Variants in TPTE2 observed in about 807,000 individuals in gnomAD.
The protein encoded by TPTE2 is transmembrane phosphoinositide 3-phosphatase and tensin homolog 2, also known as phosphatidylinositol 3,4,5-trisphosphate 3-phosphatase TPTE2.
In TPTE2, 53 loss-of-function variants were observed where a neutral mutation model predicts 78.6. That is an observed-to-expected ratio of 0.67 (90% confidence interval 0.54 to 0.85). TPTE2 has a LOEUF of 0.85. Ranked by LOEUF, TPTE2 falls within the 40% of genes least tolerant of loss-of-function variation. The probability of loss-of-function intolerance (pLI) is 0.00; values close to 1 mark genes in which losing one functional copy is unlikely to be tolerated. For missense variants in TPTE2, 461 were observed against 623.0 expected (o/e 0.74, Z 2.77); for synonymous variants, 175 against 206.2 (o/e 0.85, Z 1.30).
At chr13:19,529,633 T>C (rs1993605) in intron 1 of TPTE2, among the ~76,000 whole-genome samples, 116,182 of 151,996 alleles carry the variant, frequency 0.76, 46,226 homozygotes, top group East Asian at 0.96. Context: ...TCCCTTCCCC[T>C]ACTTTCTTCT....
chr13:19,448,280 G>C (rs145208275), intron 13 of TPTE2, among the ~76,000 whole-genome samples: 3,730 of 152,212 alleles, frequency 0.025, 65 homozygotes, highest in Middle Eastern at 0.051. Context: ...GATATTTTTG[G>C]ATATGACTGA....
chr13:19,497,408 G>T (rs1307169705), intron 1 of TPTE2, among the ~76,000 whole-genome samples: 5,779 of 130,408 alleles, frequency 0.044, 141 homozygotes, highest in Non-Finnish European at 0.071. Flanking sequence ...CTGTCTGACA[G>T]CTTTGAAGAG....
intron 1 of TPTE2, among the ~76,000 whole-genome samples, chr13:19,520,530 A>C (rs1432918529): frequency 6.6e-6 from 1 of 151,688 alleles, no homozygotes; most frequent in African/African-American, 2.4e-5. Flanking sequence ...TAAGCTATCA[A>C]TTTTGTTGAT....
chr13:19,528,947 T>C (rs1566078672), intron 1 of TPTE2, among the ~76,000 whole-genome samples: 1 of 151,958 alleles, frequency 6.6e-6, no homozygotes, highest in Non-Finnish European at 1.5e-5. Flanking sequence ...GGCAAAACCC[T>C]GTCTCTACTA....
intron 13 of TPTE2, among the ~76,000 whole-genome samples, chr13:19,447,491 G>A (rs1029652742): frequency 2.0e-5 from 3 of 152,024 alleles, no homozygotes; most frequent in African/African-American, 7.2e-5. Flanking sequence ...ATTGTAAATT[G>A]CCAGTTTATA....
At chr13:19,435,764 A>ACACACACG (rs1169452622) in intron 15 of TPTE2, among the ~76,000 whole-genome samples, 1 of 148,126 alleles carries the variant, frequency 6.8e-6, no homozygotes, top group Non-Finnish European at 1.5e-5. Flanking sequence ...AGACACACAC[A>ACACACACG]CACACACACA....
At chr13:19,475,512 C>T in intron 5 of TPTE2, 61 bp downstream of exon 8, 1 of 1,582,712 alleles carries the variant, frequency 6.3e-7, no homozygotes, top group Non-Finnish European at 8.6e-7. Context: ...AGGCGTGAGC[C>T]ACTGCACCCA....
intron 9 of TPTE2, among the ~76,000 whole-genome samples, chr13:19,464,794 C>A (rs1879160068): frequency 2.0e-5 from 3 of 152,202 alleles, no homozygotes; most frequent in Non-Finnish European, 4.4e-5. Flanking sequence ...TCCCCCTGTT[C>A]TTAGAATTTA....
the TPTE2 span, among the ~76,000 whole-genome samples, chr13:19,542,839 A>C: frequency 6.6e-6 from 1 of 151,862 alleles, no homozygotes; most frequent in East Asian, 1.9e-4. Context: ...ACAAATAAAA[A>C]CATTAGCTAG....
intron 6 of TPTE2, among the ~76,000 whole-genome samples, chr13:19,473,357 C>G (rs1242293584): frequency 6.6e-6 from 1 of 152,176 alleles, no homozygotes; most frequent in African/African-American, 2.4e-5. Flanking sequence ...GGGCCTAGAT[C>G]AAAAACTTTA....
At chr13:19,502,468 A>G (rs1439523036) in intron 1 of TPTE2, among the ~76,000 whole-genome samples, 2 of 151,238 alleles carry the variant, frequency 1.3e-5, no homozygotes, top group African/African-American at 4.8e-5. Flanking sequence ...CTATGCAGCC[A>G]TAAAAAATGA....
intron 6 of TPTE2, among the ~76,000 whole-genome samples, chr13:19,472,013 G>A (rs1185575105): frequency 2.0e-5 from 3 of 152,078 alleles, no homozygotes; most frequent in African/African-American, 4.8e-5. Flanking sequence ...GGCCTGAAAC[G>A]TTTCTACTAA....
intron 1 of TPTE2, among the ~76,000 whole-genome samples, chr13:19,498,298 C>T (rs936814917): frequency 5.3e-5 from 8 of 150,638 alleles, no homozygotes; most frequent in Middle Eastern, 3.4e-3. Context: ...ATACAGAGAA[C>T]GCCACAAAGA....
chr13:19,452,299 G>A (rs1172125446), intron 10 of TPTE2, among the ~76,000 whole-genome samples: 1 of 152,092 alleles, frequency 6.6e-6, no homozygotes, highest in African/African-American at 2.4e-5. Flanking sequence ...TTCTTTGGAT[G>A]AGGAAGAACT....
chr13:19,514,746 T>A (rs2079487912), intron 1 of TPTE2, among the ~76,000 whole-genome samples: 1 of 152,138 alleles, frequency 6.6e-6, no homozygotes, highest in African/African-American at 2.4e-5. Flanking sequence ...AATAAACAAG[T>A]AGGTAAGTCA....
chr13:19,541,739 A>T (rs9506175), upstream of TPTE2, among the ~76,000 whole-genome samples: 1 of 151,926 alleles, frequency 6.6e-6, no homozygotes. Flanking sequence ...TTGTTAAATT[A>T]CCCTGACATT....
intron 2 of TPTE2, 42 bp downstream of exon 5, chr13:19,493,406 C>A (rs1488423967): frequency 1.9e-6 from 3 of 1,595,300 alleles, no homozygotes; most frequent in South Asian, 2.2e-5. Flanking sequence ...TCTATGCACA[C>A]TTATGCTGAC....
chr13:19,429,121 C>T (rs1201562139), intron 17 of TPTE2, among the ~76,000 whole-genome samples: 1 of 152,150 alleles, frequency 6.6e-6, no homozygotes, highest in Non-Finnish European at 1.5e-5. Flanking sequence ...TGGCTCTGAC[C>T]ATGGGCACAC....
chr13:19,506,646 G>A (rs1869072881), upstream of TPTE2, among the ~76,000 whole-genome samples: 1 of 152,126 alleles, frequency 6.6e-6, no homozygotes. Context: ...GAGTCTACCT[G>A]CCAAGGAATG....
Sources: allele counts gnomAD v4.1 joint callset (sites outside exome capture counted in the v4.1 genomes callset), GRCh38; gene constraint gnomAD v4.1.1; transcripts MANE v1.5; gene names NCBI Gene and HGNC (gene_info 2026-07-23, HGNC 2026-07-21).